TMCC1: variants seen among roughly 807,000 people sequenced by gnomAD.
TMCC1 encodes transmembrane and coiled-coil domain family 1, also known as transmembrane and coiled-coil domains protein 1.
A neutral mutation model predicts 52.4 loss-of-function variants in TMCC1; 15 were observed. That is an observed-to-expected ratio of 0.29 (90% CI 0.19 to 0.44). TMCC1 has a LOEUF of 0.44. Among genes scored for constraint, TMCC1 ranks in the 20% least tolerant of loss-of-function variants. The pLI is 1.00. For synonymous variants in TMCC1, 279 were observed against 301.9 expected, an observed-to-expected ratio of 0.92 and a Z score of 0.79; for missense variants, 503 against 806.0, an observed-to-expected ratio of 0.62 and a Z score of 4.55.
chr3:129,802,705 C>T (rs1462380693), intron 4 of TMCC1, among the ~76,000 whole-genome samples: 1 of 152,190 alleles, frequency 6.6e-6, no homozygotes, highest in East Asian at 1.9e-4. Flanking sequence ...AAACTTGTGG[C>T]ATGTCGCACA....
intron 4 of TMCC1, among the ~76,000 whole-genome samples, chr3:129,787,106 C>A (rs1300143283): frequency 6.6e-6 from 1 of 152,126 alleles, no homozygotes; most frequent in Non-Finnish European, 1.5e-5. Context: ...TCTGGCAGCA[C>A]ATAAGAAATC....
intron 4 of TMCC1, among the ~76,000 whole-genome samples, chr3:129,819,334 C>T (rs1302155422): frequency 2.0e-5 from 3 of 152,082 alleles, no homozygotes; most frequent in Non-Finnish European, 2.9e-5. Flanking sequence ...CCGCCCGCCT[C>T]GGCCTCCCAA....
At chr3:129,803,227 C>A (rs1286855084) in intron 4 of TMCC1, among the ~76,000 whole-genome samples, 2 of 152,128 alleles carry the variant, frequency 1.3e-5, no homozygotes, top group Non-Finnish European at 2.9e-5. Context: ...CATGAATGAA[C>A]CTTGAGGACA....
At chr3:129,795,098 G>C (rs1049172064) in intron 4 of TMCC1, among the ~76,000 whole-genome samples, 1 of 152,144 alleles carries the variant, frequency 6.6e-6, no homozygotes, top group Non-Finnish European at 1.5e-5. Flanking sequence ...GGTGCAGAGA[G>C]GCATACTCCG....
intron 4 of TMCC1, among the ~76,000 whole-genome samples, chr3:129,681,645 C>A (rs919970878): frequency 6.6e-6 from 1 of 152,066 alleles, no homozygotes; most frequent in East Asian, 1.9e-4. Flanking sequence ...CAGTGGCTCA[C>A]GTCTGTAATC....
chr3:129,761,984 C>CT (rs1258106573), intron 4 of TMCC1, among the ~76,000 whole-genome samples: 2 of 69,904 alleles, frequency 2.9e-5, no homozygotes, highest in Non-Finnish European at 5.4e-5. Context: ...GAGCAAGACT[C>CT]TGTCTCAAAA....
intron 4 of TMCC1, among the ~76,000 whole-genome samples, chr3:129,709,413 C>T (rs1449517682): frequency 7.7e-6 from 1 of 129,352 alleles, no homozygotes; most frequent in Non-Finnish European, 1.6e-5. Flanking sequence ...GAGGCCCAGG[C>T]TGTGGTGAGC....
At chr3:129,754,249 G>T (rs1398974303) in intron 4 of TMCC1, among the ~76,000 whole-genome samples, 1 of 152,110 alleles carries the variant, frequency 6.6e-6, no homozygotes, top group Non-Finnish European at 1.5e-5. Flanking sequence ...CAAATAAATG[G>T]AAAGGGACAC....
At chr3:129,709,055 T>C (rs2048449452) in intron 4 of TMCC1, among the ~76,000 whole-genome samples, 1 of 152,218 alleles carries the variant, frequency 6.6e-6, no homozygotes, top group South Asian at 2.1e-4. Context: ...CTGAAATTTG[T>C]CTATTTTTCA....
At chr3:129,669,656 TGC>T (rs2087758666) in intron 5 of TMCC1, among the ~76,000 whole-genome samples, 1 of 152,152 alleles carries the variant, frequency 6.6e-6, no homozygotes, top group Non-Finnish European at 1.5e-5. Flanking sequence ...TATTTCTCTC[TGC>T]GTGTGAAGGT....
chr3:129,803,042 G>A (rs6788653), intron 4 of TMCC1, among the ~76,000 whole-genome samples: 6,160 of 152,276 alleles, frequency 0.04, 411 homozygotes, highest in African/African-American at 0.14. Flanking sequence ...GCACAAGAGT[G>A]AGAGAAAGGA....
chr3:129,748,487 C>T (rs2052192273), intron 4 of TMCC1, among the ~76,000 whole-genome samples: 1 of 152,056 alleles, frequency 6.6e-6, no homozygotes, highest in African/African-American at 2.4e-5. Context: ...AGGGTTTTAC[C>T]ATGTTGGCCA....
intron 1 of TMCC1, among the ~76,000 whole-genome samples, chr3:129,886,813 T>C (rs1332203419): frequency 2.7e-5 from 4 of 150,934 alleles, no homozygotes; most frequent in African/African-American, 7.3e-5. Context: ...TGTGTGCACC[T>C]GTAATCCCAG....
At chr3:129,823,473 A>G (rs879320945) in intron 4 of TMCC1, among the ~76,000 whole-genome samples, 7 of 152,202 alleles carry the variant, frequency 4.6e-5, no homozygotes, top group Non-Finnish European at 7.3e-5. Flanking sequence ...AAGTTCAAAA[A>G]TAAAATCTAG....
At chr3:129,759,912 G>A (rs368892217) in intron 4 of TMCC1, among the ~76,000 whole-genome samples, 41 of 150,940 alleles carry the variant, frequency 2.7e-4, no homozygotes, top group African/African-American at 9.0e-4. Context: ...TAGTAGAGAC[G>A]GGGTTTCACC....
chr3:129,828,485 G>T lies in TMCC1; in HGVS notation c.-107C>A. 1 of 1,041,580 alleles carries T rather than the reference G, an allele frequency of 9.6e-7. No homozygotes were observed. Among genetic ancestry groups the T allele is most frequent in the Non-Finnish European group, 1.4e-6 (1 of 705,916 alleles). 64.5% of individuals were successfully genotyped at this position (1,041,580 alleles called of 1,614,324 possible). On this transcript the variant is annotated 5_prime_UTR_variant, in exon 4 of 7. Coordinates refer to ENST00000393238, the MANE Select transcript of TMCC1 (RefSeq NM_001017395.5). The surrounding 1 kb of genome is among the most constrained non-coding windows in gnomAD (Gnocchi z 4.1). ...TTCAACAGTGACTACGCATGCAGCT[G>T]TGAGACGAAGGCTTCATGCCTATCT...
At chr3:129,783,553 A>C (rs2055720150) in intron 4 of TMCC1, among the ~76,000 whole-genome samples, 1 of 150,944 alleles carries the variant, frequency 6.6e-6, no homozygotes, top group South Asian at 2.1e-4. Context: ...ACAAGCACCA[A>C]AATAGAAAAA....
chr3:129,839,259 G>T (rs1483994703), intron 2 of TMCC1, among the ~76,000 whole-genome samples: 1 of 152,130 alleles, frequency 6.6e-6, no homozygotes, highest in African/African-American at 2.4e-5. Flanking sequence ...AACAACAATG[G>T]CAAAAGGGAA....
At chr3:129,731,147 T>C (rs2050506814) in intron 4 of TMCC1, among the ~76,000 whole-genome samples, 1 of 152,186 alleles carries the variant, frequency 6.6e-6, no homozygotes, top group South Asian at 2.1e-4. Context: ...AGGGTTTGTA[T>C]CAGGAATGCA....
Sources: allele counts gnomAD v4.1 joint callset (sites outside exome capture counted in the v4.1 genomes callset), GRCh38; gene constraint gnomAD v4.1.1; non-coding constraint Gnocchi (gnomAD v3.1); transcripts MANE v1.5; gene names NCBI Gene and HGNC (gene_info 2026-07-23, HGNC 2026-07-21).